ULK4: variants seen among roughly 807,000 people sequenced by gnomAD.
The protein encoded by ULK4 is unc-51 like kinase 4.
Under a neutral mutation model 160.6 loss-of-function variants are expected in ULK4, and 133 were observed. That is an observed-to-expected ratio of 0.83 (90% CI 0.72 to 0.96). The LOEUF is 0.96. Among genes scored for constraint, ULK4 ranks in the 40% least tolerant of loss-of-function variants. The probability of loss-of-function intolerance (pLI) is 0.00; values close to 1 mark genes in which losing one functional copy is unlikely to be tolerated. For missense variants in ULK4, 1,580 were observed against 1,499.5 expected (o/e 1.05, Z -0.89); for synonymous variants, 534 against 539.8 (o/e 0.99, Z 0.15).
chr3:41,373,788 C>T (rs992493391), intron 35 of ULK4, among the ~76,000 whole-genome samples: 4 of 151,880 alleles, frequency 2.6e-5, no homozygotes, highest in African/African-American at 4.8e-5. Flanking sequence ...ACTAAGGTCA[C>T]AGCAAAACTG....
intron 22 of ULK4, among the ~76,000 whole-genome samples, chr3:41,750,336 C>A (rs117861409): frequency 1.3e-5 from 2 of 152,282 alleles, no homozygotes; most frequent in East Asian, 3.9e-4. Flanking sequence ...CATTTGAGTA[C>A]AGTATCAGAA....
At position 41,940,667 on chromosome 3, in the gene ULK4, A is replaced by T. The variant is rs989183685; in HGVS notation, c.139-2470T>A. Reference sequence around the variant, plus strand: ...GCAAGACCCCACCTCCAAAAAAAATAAAAATAGAAACATTCTTACTTATTT... The same window carrying T: ...GCAAGACCCCACCTCCAAAAAAAATTAAAATAGAAACATTCTTACTTATTT... On this transcript the variant is annotated intron_variant, in intron 2 of 36. Transcript: ENST00000301831. Among the ~76,000 whole-genome samples, 8 of 152,168 alleles carry T rather than the reference A, an allele frequency of 5.3e-5. No homozygotes were observed. The South Asian group carries it at 6.2e-4, about 12-fold the overall frequency.
chr3:41,815,469 C>CT (rs138981457), intron 19 of ULK4, among the ~76,000 whole-genome samples: 17,560 of 152,056 alleles, frequency 0.12, 1,149 homozygotes, highest in Middle Eastern at 0.25. Context: ...TACGATTTCA[C>CT]TTTTTTTTAC....
intron 32 of ULK4, among the ~76,000 whole-genome samples, chr3:41,523,143 A>C (rs2085992437): frequency 6.6e-6 from 1 of 152,140 alleles, no homozygotes; most frequent in Admixed American, 6.5e-5. Flanking sequence ...TCCTGACCTC[A>C]GGTGATCCGC....
intron 17 of ULK4, among the ~76,000 whole-genome samples, chr3:41,848,478 G>A (rs1451719709): frequency 6.6e-6 from 1 of 152,168 alleles, no homozygotes; most frequent in Non-Finnish European, 1.5e-5. Context: ...CTGGTCTGTA[G>A]AATGGCAAAT....
At chr3:41,843,137 C>A (rs2041976348) in intron 17 of ULK4, among the ~76,000 whole-genome samples, 2 of 152,096 alleles carry the variant, frequency 1.3e-5, no homozygotes, top group South Asian at 4.1e-4. Flanking sequence ...GTACACTTGA[C>A]ACCAAAAGCA....
chr3:41,435,848 G>C (rs2083022832), intron 34 of ULK4, among the ~76,000 whole-genome samples: 1 of 152,166 alleles, frequency 6.6e-6, no homozygotes, highest in South Asian at 2.1e-4. Flanking sequence ...TCAGGAGGCT[G>C]AGGCAGGAGA....
At chr3:41,587,468 G>A (rs1358748111) in intron 31 of ULK4, among the ~76,000 whole-genome samples, 2 of 152,108 alleles carry the variant, frequency 1.3e-5, no homozygotes, top group Non-Finnish European at 2.9e-5. Context: ...TTAGAATTCT[G>A]ACTGCCAGAC....
intron 35 of ULK4, among the ~76,000 whole-genome samples, chr3:41,258,148 C>T (rs1264457913): frequency 6.6e-6 from 1 of 152,124 alleles, no homozygotes; most frequent in African/African-American, 2.4e-5. Context: ...ACATTAGATT[C>T]CACTGTATCT....
intron 17 of ULK4, among the ~76,000 whole-genome samples, chr3:41,848,457 C>T (rs2042124433): frequency 6.6e-6 from 1 of 152,258 alleles, no homozygotes; most frequent in East Asian, 1.9e-4. Context: ...AATACCTTTC[C>T]TGCACTGTGC....
chr3:41,882,161 C>T, intron 17 of ULK4: 1 of 701,310 alleles, frequency 1.4e-6, no homozygotes, highest in South Asian at 1.5e-5. Context: ...AATGCTGATA[C>T]AGTTTTATTT....
chr3:41,681,418 A>G, intron 29 of ULK4, 90 bp downstream of exon 29: 1 of 1,548,566 alleles, frequency 6.5e-7, no homozygotes, highest in East Asian at 2.2e-5. Context: ...AAGGACATCA[A>G]GACCCCAACC....
chr3:41,316,639 G>A (rs2080147647), intron 35 of ULK4, among the ~76,000 whole-genome samples: 1 of 152,146 alleles, frequency 6.6e-6, no homozygotes, highest in Non-Finnish European at 1.5e-5. Flanking sequence ...AGCGGGTGTG[G>A]GTTGAAAAAC....
At chr3:41,719,609 T>G (rs145280296) in intron 22 of ULK4, among the ~76,000 whole-genome samples, 2 of 152,076 alleles carry the variant, frequency 1.3e-5, no homozygotes, top group East Asian at 3.9e-4. Context: ...ATTAAGTCAA[T>G]CACTAAATAT....
chr3:41,407,814 A>G (rs2082324359), intron 34 of ULK4, among the ~76,000 whole-genome samples: 1 of 152,158 alleles, frequency 6.6e-6, no homozygotes, highest in Admixed American at 6.5e-5. Context: ...AAAGATGTCC[A>G]CTCTTCCCAT....
intron 35 of ULK4, among the ~76,000 whole-genome samples, chr3:41,370,946 G>T (rs981629144): frequency 1.3e-5 from 2 of 152,152 alleles, no homozygotes; most frequent in Non-Finnish European, 2.9e-5. Context: ...CTGGATGCTC[G>T]AGCTTGGTGG....
At chr3:41,443,774 T>C (rs1017473401) in intron 34 of ULK4, among the ~76,000 whole-genome samples, 4 of 152,050 alleles carry the variant, frequency 2.6e-5, no homozygotes, top group Admixed American at 6.6e-5. Flanking sequence ...TTTTCAATTA[T>C]ATACACATTT....
chr3:41,657,835 A>AAAAAAAAAAAAAAAAAAAAAAAC, intron 30 of ULK4, among the ~76,000 whole-genome samples: 1 of 142,514 alleles, frequency 7.0e-6, no homozygotes, highest in Non-Finnish European at 1.6e-5. Context: ...AAAAAAAAAA[A>AAAAAAAAAAAAAAAAAAAAAAAC]CACACACCAC....
chr3:41,554,570 G>A (rs774719683), intron 32 of ULK4, among the ~76,000 whole-genome samples: 10 of 152,100 alleles, frequency 6.6e-5, no homozygotes, highest in African/African-American at 1.2e-4. Context: ...GTTGGTAGGC[G>A]GGAGTATACA....
Sources: allele counts gnomAD v4.1 joint callset (sites outside exome capture counted in the v4.1 genomes callset), GRCh38; gene constraint gnomAD v4.1.1; transcripts MANE v1.5; gene names NCBI Gene and HGNC (gene_info 2026-07-23, HGNC 2026-07-21).